ANKRD26: variants seen among roughly 807,000 people sequenced by gnomAD.
The protein encoded by ANKRD26 is ankyrin repeat domain-containing protein 26.
ANKRD26 carries 141 observed loss-of-function variants against 208.7 expected under a neutral mutation model. The observed-to-expected ratio is 0.68, with a 90% CI of 0.59 to 0.78. The LOEUF (loss-of-function observed/expected upper bound fraction) is 0.78, where lower values mean the gene tolerates loss of function less well. Ranked by LOEUF, ANKRD26 falls within the 30% of genes least tolerant of loss-of-function variation. The pLI, the probability that ANKRD26 is intolerant of heterozygous loss-of-function variation, is 0.00. For synonymous variants in ANKRD26, 636 were observed against 660.4 expected (o/e 0.96, Z 0.57); for missense variants, 1,889 against 1,938.7 (o/e 0.97, Z 0.48).
chr10:27,022,558 C>G lies in ANKRD26; in HGVS notation c.4215G>C (p.Lys1405Asn). The G allele has an allele frequency of 6.6e-7, 1 of 1,517,792 alleles. No individual in the cohort carries two copies. The highest frequency in any genetic ancestry group is 9.1e-7 in the Non-Finnish European group (1 of 1,102,440). The allele number at this position is 1,517,792 out of a possible 1,614,324, so 94.0% of individuals were successfully genotyped here. The change falls in exon 29 of 34, where the codon AAG becomes AAC. Residue 1405 changes from lysine to asparagine, a missense_variant and splice_region_variant. Physicochemically the swap from Lys to Asn is moderately conservative, Grantham distance 94 (BLOSUM62 0). Coordinates refer to ENST00000376087, the MANE Select transcript of ANKRD26 (RefSeq NM_014915.3). Reference sequence around the variant, plus strand: ...GGTCCCAAAACTTATTAAAAATTACCTTATGTTTTAGCTTATTAATCTGAA... The same window carrying G: ...GGTCCCAAAACTTATTAAAAATTACGTTATGTTTTAGCTTATTAATCTGAA... ...MDIQINKLKH[K>N]IDDLTAELET...
downstream of ANKRD26, among the ~76,000 whole-genome samples, chr10:27,000,787 T>C (rs2052705049): frequency 6.6e-6 from 1 of 152,142 alleles, no homozygotes; most frequent in African/African-American, 2.4e-5. Context: ...GTGGATCACC[T>C]GAGGTCAGGA....
chr10:27,093,565 T>C, intron 2 of ANKRD26, 43 bp from the exon 3 acceptor site: 1 of 1,610,810 alleles, frequency 6.2e-7, no homozygotes, highest in Non-Finnish European at 8.5e-7. Context: ...ATTCTAGGAA[T>C]GCAAAATAAA....
chr10:27,012,260 T>TATCA (rs1045026357), intron 32 of ANKRD26, among the ~76,000 whole-genome samples: 26 of 152,302 alleles, frequency 1.7e-4, no homozygotes, highest in Admixed American at 1.7e-3. Context: ...TACCTTTTGC[T>TATCA]ATCAGGCAAT....
chr10:26,964,003 G>C, the ANKRD26 span, among the ~76,000 whole-genome samples: 1 of 130,508 alleles, frequency 7.7e-6, no homozygotes, highest in Non-Finnish European at 1.5e-5. Flanking sequence ...CCTCTGTCTT[G>C]CAGGCTCAAG....
the ANKRD26 span, among the ~76,000 whole-genome samples, chr10:26,967,984 G>A: frequency 6.9e-4 from 105 of 152,114 alleles, no homozygotes; most frequent in African/African-American, 2.4e-3. Flanking sequence ...ATCCGCATTC[G>A]ACTCTGTGGC....
At chr10:26,975,877 T>TA (rs2052219552) in exon 6 of ANKRD26, among the ~76,000 whole-genome samples, 1 of 151,354 alleles carries the variant, frequency 6.6e-6, no homozygotes, top group South Asian at 2.1e-4. Context: ...AATAAATAAA[T>TA]AATAAATAAA....
chr10:26,974,502 G>A (rs1432391439), exon 6 of ANKRD26, among the ~76,000 whole-genome samples: 1 of 151,928 alleles, frequency 6.6e-6, no homozygotes, highest in Admixed American at 6.6e-5. Context: ...CACCACGCCT[G>A]GCTAATTTTT....
intron 30 of ANKRD26, among the ~76,000 whole-genome samples, chr10:27,015,098 C>T (rs1048205138): frequency 3.3e-5 from 5 of 152,052 alleles, no homozygotes; most frequent in African/African-American, 4.8e-5. Flanking sequence ...GAGATATTTT[C>T]GAATGAAAAA....
intron 4 of ANKRD26, among the ~76,000 whole-genome samples, chr10:26,997,017 G>C (rs2052608065): frequency 6.6e-6 from 1 of 151,344 alleles, no homozygotes; most frequent in Non-Finnish European, 1.5e-5. Context: ...GGTTGTTTTT[G>C]TTTTGTCTCC....
chr10:27,094,953 T>C (rs1459659202), intron 1 of ANKRD26, among the ~76,000 whole-genome samples: 2 of 151,914 alleles, frequency 1.3e-5, no homozygotes, highest in African/African-American at 4.8e-5. Flanking sequence ...TGAGCTGTGA[T>C]TGTGCCACTG....
chr10:26,953,578 G>A, the ANKRD26 span, among the ~76,000 whole-genome samples: 1 of 152,052 alleles, frequency 6.6e-6, no homozygotes, highest in Admixed American at 6.6e-5. Flanking sequence ...GGGAGAAAAG[G>A]TTCAAACATT....
chr10:27,040,068 C>G lies in ANKRD26; in HGVS notation c.2272G>C (p.Asp758His), dbSNP rs936996730. The G allele has an allele frequency of 6.8e-6, 11 of 1,613,152 alleles. No individual in the cohort carries two copies. Among genetic ancestry groups the G allele is most frequent in the Non-Finnish European group, 8.5e-6 (10 of 1,179,632 alleles). ...TCCCTTTGTAGTACATTAACCTTGT[C>G]TTCCATTTTTTTAATTTTTACTGTA... ...LLTVKIKKME[D>H]KVNVLQRELS... The change falls in exon 21 of 34, where the codon GAC becomes CAC. Residue 758 changes from aspartate (D) to histidine (H), a missense_variant. By Grantham distance (81) the Asp-to-His change is moderately conservative (BLOSUM62 -1). This residue lies in a region of ANKRD26 where 1,272 missense variants were observed against 1,273.8 expected (regional missense o/e 1.00). Coordinates refer to ENST00000376087, the MANE Select transcript of ANKRD26 (RefSeq NM_014915.3).
rs557037072 is a variant in ANKRD26, at chr10:27,098,873, T to C, written c.242+1212A>G. Reference sequence around the variant, plus strand: ...CAAATTTTACCACGTTTTGTACATATTTTCAGCTAACACAAGACCACAGTC... The same window carrying C: ...CAAATTTTACCACGTTTTGTACATACTTTCAGCTAACACAAGACCACAGTC... On this transcript the variant is annotated intron_variant, in intron 1 of 33. Transcript: ENST00000376087. Among the ~76,000 whole-genome samples, 24 of 152,104 alleles carry C rather than the reference T, an allele frequency of 1.6e-4. 1 individual carries two copies. The highest frequency in any genetic ancestry group is 2.0e-4 in the Admixed American group (3 of 15,276).
chr10:27,100,296 A>T lies in ANKRD26; in HGVS notation c.31T>A (p.Ser11Thr). 5 of 1,609,294 alleles carry T rather than the reference A, an allele frequency of 3.1e-6. No homozygotes were observed. The highest frequency in any genetic ancestry group is 4.2e-6 in the Non-Finnish European group (5 of 1,179,482). MKKIFSKKGE[S>T]PLGSFARRQR... ...CGCCGCGCGAAGGAGCCCAAGGGCG[A>T]CTCGCCCTTCTTACTAAAAATCTTC... The change falls in exon 1 of 34, where the codon TCG (serine) becomes ACG (threonine). Residue 11 changes from serine to threonine, a missense_variant. Ser to Thr is a moderately conservative substitution (Grantham distance 58). Around this residue, in one of 3 missense-constraint regions of ANKRD26, gnomAD observed 1,272 missense variants for 1,273.8 expected, o/e 1.00. Coordinates refer to ENST00000376087, the MANE Select transcript of ANKRD26 (RefSeq NM_014915.3).
intron 16 of ANKRD26, among the ~76,000 whole-genome samples, chr10:27,049,490 T>C (rs1290629891): frequency 6.6e-6 from 1 of 152,166 alleles, no homozygotes; most frequent in Non-Finnish European, 1.5e-5. Context: ...GATCCTGGGA[T>C]ATCAACAAAG....
downstream of ANKRD26, among the ~76,000 whole-genome samples, chr10:26,972,010 C>T (rs561564196): frequency 2.7e-4 from 41 of 152,158 alleles, no homozygotes; most frequent in East Asian, 5.6e-3. Context: ...CCAAGGTGGG[C>T]GGATCACAAA....
At chr10:26,973,069 C>A (rs2052173825), downstream of ANKRD26, among the ~76,000 whole-genome samples, 1 of 152,080 alleles carries the variant, frequency 6.6e-6, no homozygotes, top group African/African-American at 2.4e-5. Context: ...GAATGTGTAG[C>A]CTTTCCTTGT....
intron 4 of ANKRD26, among the ~76,000 whole-genome samples, chr10:27,086,865 G>A (rs112189056): frequency 2.1e-5 from 3 of 143,980 alleles, no homozygotes; most frequent in African/African-American, 5.3e-5. Context: ...TCCGCCTCCC[G>A]GGTTCAAGTG....
At chr10:27,042,277 T>C (rs1222969428) in intron 20 of ANKRD26, among the ~76,000 whole-genome samples, 1 of 152,166 alleles carries the variant, frequency 6.6e-6, no homozygotes, top group Non-Finnish European at 1.5e-5. Flanking sequence ...CATACTTCAA[T>C]CCATACAAAA....
Sources: allele counts gnomAD v4.1 joint callset (sites outside exome capture counted in the v4.1 genomes callset), GRCh38; gene constraint gnomAD v4.1.1; regional missense constraint gnomAD v4.1.1; transcripts MANE v1.5; gene names NCBI Gene and HGNC (gene_info 2026-07-23, HGNC 2026-07-21).